RIOK1: variants seen among roughly 807,000 people sequenced by gnomAD.
RIOK1 encodes the protein RIO kinase 1.
A neutral mutation model predicts 73.5 loss-of-function variants in RIOK1; 66 were observed. The observed-to-expected ratio is 0.90, with a 90% CI of 0.74 to 1.10. RIOK1 has a LOEUF of 1.10. RIOK1 is among the 50% of genes least tolerant of loss of function. The pLI is 0.00. For synonymous variants in RIOK1, 224 were observed against 226.8 expected (o/e 0.99, Z 0.11); for missense variants, 658 against 699.8 (o/e 0.94, Z 0.67).
At chr6:7,405,417 C>T in intron 12 of RIOK1, 62 bp downstream of exon 12, 1 of 974,374 alleles carries the variant, frequency 1.0e-6, no homozygotes, top group Non-Finnish European at 1.6e-6. Flanking sequence ...TCTCTTATCT[C>T]AAGTGCTTGG....
chr6:7,410,452 G>A lies in RIOK1; in HGVS notation c.1269+1G>A, dbSNP rs767420119. The A allele has an allele frequency of 3.1e-6, 5 of 1,603,870 alleles. No homozygotes were observed. Among genetic ancestry groups the A allele is most frequent in the Non-Finnish European group, 3.4e-6 (4 of 1,171,348 alleles). Reference sequence around the variant, plus strand: ...TAGCCAAGATCATGTGGATGAAGAGGTAGGATTTATTATCTATTCACAGCC... The same window carrying A: ...TAGCCAAGATCATGTGGATGAAGAGATAGGATTTATTATCTATTCACAGCC... On this transcript the variant is annotated splice_donor_variant, in intron 13 of 16. Coordinates refer to ENST00000379834, the MANE Select transcript of RIOK1 (RefSeq NM_031480.3). LOFTEE classifies it high-confidence loss of function.
intron 16 of RIOK1, among the ~76,000 whole-genome samples, 188 bp from the exon 17 acceptor site, chr6:7,417,143 C>T (rs1419226093): frequency 6.7e-6 from 1 of 148,628 alleles, no homozygotes; most frequent in Admixed American, 6.7e-5. Flanking sequence ...CCCAGCTACC[C>T]AGGAGGCTGA....
intron 4 of RIOK1, among the ~76,000 whole-genome samples, chr6:7,397,620 A>C (rs940097159): frequency 3.3e-5 from 5 of 152,268 alleles, no homozygotes; most frequent in African/African-American, 1.2e-4. Flanking sequence ...CATACAACTA[A>C]CTGTGAGAAT....
At chr6:7,412,420 C>T (rs1761909601) in intron 14 of RIOK1, among the ~76,000 whole-genome samples, 2 of 147,114 alleles carry the variant, frequency 1.4e-5, no homozygotes, top group South Asian at 2.2e-4. Context: ...TTTGGGAGGC[C>T]GAGGTGGGTG....
intron 16 of RIOK1, among the ~76,000 whole-genome samples, chr6:7,414,866 G>A (rs554405828): frequency 3.9e-5 from 6 of 152,252 alleles, no homozygotes; most frequent in East Asian, 1.9e-4. Flanking sequence ...ATTGCTCACC[G>A]TCCTAAGTAG....
In RIOK1 at chr6:7,402,910, G is replaced by A. The variant is rs759798882; in HGVS notation, c.767+13G>A. On this transcript the variant is annotated intron_variant, in intron 8 of 16. Transcript: ENST00000379834. ...GGAACTTAATCAGGTGACTGTCTGG[G>A]ATGTGTGTATGTCTGTCCTATGCCC... 1.9e-6 allele frequency: 3 copies of A among 1,611,622 alleles called. No individual in the cohort carries two copies. Among genetic ancestry groups the A allele is most frequent in the African/African-American group, 1.3e-5 (1 of 74,838 alleles).
chr6:7,411,290 T>C, intron 13 of RIOK1, 42 bp from the exon 14 acceptor site: 1 of 1,605,982 alleles, frequency 6.2e-7, no homozygotes, highest in South Asian at 1.1e-5. Flanking sequence ...ATGTGAGAAG[T>C]GTATGAATAA....
chr6:7,405,287 C>A lies in RIOK1; in HGVS notation c.1135C>A (p.Arg379=), dbSNP rs147593852. The change falls in exon 12 of 17, where the codon CGG becomes AGG. Residue 379 remains arginine, a synonymous_variant. Coordinates refer to ENST00000379834, the MANE Select transcript of RIOK1 (RefSeq NM_031480.3). ...GCACAGTGTTGCTGTCATGACTGTG[C>A]GGGAGCTCTTTGAATTTGTCACAGA... is the stretch of plus-strand genomic sequence containing the variant. ...MRHSVAVMTV[R]ELFEFVTDPS... is the part of the protein sequence containing the mutation. 2.5e-5 allele frequency: 40 copies of A among 1,612,992 alleles called. No homozygotes were observed. Among genetic ancestry groups the A allele is most frequent in the Non-Finnish European group, 3.1e-5 (36 of 1,179,244 alleles).
chr6:7,401,126 C>A, intron 6 of RIOK1, 76 bp downstream of exon 6: 1 of 905,402 alleles, frequency 1.1e-6, no homozygotes, highest in Non-Finnish European at 1.8e-6. Context: ...CTTAGAACTA[C>A]ATTATGCCTT....
intron 2 of RIOK1, among the ~76,000 whole-genome samples, chr6:7,393,511 A>G (rs1469217936): frequency 6.6e-6 from 1 of 152,180 alleles, no homozygotes; most frequent in Non-Finnish European, 1.5e-5. Context: ...AGAATCTGTA[A>G]ATTTAAAAAG....
rs1761382688 is a variant in RIOK1 at position 7,393,147 on chromosome 6, T to G, written c.120T>G (p.Phe40Leu). The change falls in exon 2 of 17, where the codon TTT becomes TTG. Residue 40 changes from phenylalanine to leucine, a missense_variant. Physicochemically the swap from Phe to Leu is conservative, Grantham distance 22. Transcript: ENST00000379834. ...KTVKEKDDIL[F>L]EDLQDNVNEN... is the part of the protein sequence containing the mutation. Reference sequence around the variant, plus strand: ...TCAAAGAGAAGGATGACATTCTGTTTGAAGACCTTCAAGACAATGTGAATG... The same window carrying G: ...TCAAAGAGAAGGATGACATTCTGTTGGAAGACCTTCAAGACAATGTGAATG... 1.2e-6 allele frequency: 2 copies of G among 1,613,828 alleles called. No homozygotes were observed. Among genetic ancestry groups the G allele is most frequent in the East Asian group, 4.5e-5 (2 of 44,892 alleles).
chr6:7,391,842 A>G (rs1288600838), intron 1 of RIOK1, among the ~76,000 whole-genome samples: 2 of 152,234 alleles, frequency 1.3e-5, no homozygotes, highest in African/African-American at 2.4e-5. Flanking sequence ...CTAGGCAATT[A>G]TATATCAATC....
At chr6:7,403,822 T>G in intron 8 of RIOK1, 119 bp from the exon 9 acceptor site, 7 of 626,270 alleles carry the variant, frequency 1.1e-5, no homozygotes, top group East Asian at 2.8e-5. Context: ...TTATAATACA[T>G]TTGAGAGGCC....
rs753139384 is a variant in RIOK1 at position 7,398,707 on chromosome 6, C to T, written c.447C>T (p.Ile149=). 1 of 1,612,912 alleles carries T rather than the reference C, an allele frequency of 6.2e-7. No individual in the cohort carries two copies. Among genetic ancestry groups the T allele is most frequent in the Non-Finnish European group, 8.5e-7 (1 of 1,179,374 alleles). Residue 149 remains isoleucine, a synonymous_variant, in exon 5 of 17, where the codon ATC becomes ATT. Transcript: ENST00000379834. ...TTTTGTTTTTGGTTAGGTATCGCAT[C>T]AAAGATAAGGCAGACAGAGCAACTG... ...SRQKEADMYR[I]KDKADRATVE...
intron 4 of RIOK1, among the ~76,000 whole-genome samples, chr6:7,397,838 A>G (rs1761510825): frequency 6.6e-6 from 1 of 152,188 alleles, no homozygotes; most frequent in Non-Finnish European, 1.5e-5. Context: ...TACTGTCTTG[A>G]AACGATTTTA....
chr6:7,398,823 T>G, intron 5 of RIOK1, 83 bp downstream of exon 5: 1 of 1,168,570 alleles, frequency 8.6e-7, no homozygotes, highest in Non-Finnish European at 1.3e-6. Context: ...TTATCCTTTT[T>G]GCTTAATGCT....
chr6:7,405,211 C>T (rs1213442569), intron 11 of RIOK1, 38 bp from the exon 12 acceptor site: 1 of 1,328,932 alleles, frequency 7.5e-7, no homozygotes, highest in East Asian at 2.3e-5. Flanking sequence ...AATATTTTTC[C>T]TCATAAAAGC....
intron 12 of RIOK1, 27 bp from the exon 13 acceptor site, chr6:7,410,355 AAAAG>A (rs775330315): frequency 8.4e-6 from 13 of 1,539,144 alleles, no homozygotes; most frequent in Non-Finnish European, 1.2e-5. Context: ...GTTTGAATAT[AAAAG>A]AAAGTCATTT....
At chr6:7,394,453 A>G (rs1761422031) in intron 2 of RIOK1, among the ~76,000 whole-genome samples, 1 of 152,146 alleles carries the variant, frequency 6.6e-6, no homozygotes, top group Non-Finnish European at 1.5e-5. Flanking sequence ...ACAACAATAA[A>G]ATGGCTATAT....
Sources: allele counts gnomAD v4.1 joint callset (sites outside exome capture counted in the v4.1 genomes callset), GRCh38; gene constraint gnomAD v4.1.1; transcripts MANE v1.5; gene names NCBI Gene and HGNC (gene_info 2026-07-23, HGNC 2026-07-21).